ASTN2: variants seen among roughly 807,000 people sequenced by gnomAD.
ASTN2 encodes astrotactin 2.
In ASTN2, 54 loss-of-function variants were observed where a neutral mutation model predicts 139.8. The ratio of observed to expected loss-of-function variants is 0.39; its 90% CI spans 0.31 to 0.48. The LOEUF is 0.48. Ranked by LOEUF, ASTN2 falls within the 20% of genes least tolerant of loss-of-function variation. The pLI is 0.95. For synonymous variants in ASTN2, 756 were observed against 719.5 expected, an observed-to-expected ratio of 1.05 and a Z score of -0.81; for missense variants, 1,565 against 1,725.1, an observed-to-expected ratio of 0.91 and a Z score of 1.64.
chr9:116,792,398 T>G (rs757701511), intron 13 of ASTN2, among the ~76,000 whole-genome samples: 1 of 152,178 alleles, frequency 6.6e-6, no homozygotes, highest in Non-Finnish European at 1.5e-5. Flanking sequence ...CCCAGCACTC[T>G]GCTGGTAAGT....
At chr9:116,623,181 GT>G (rs1856260049) in intron 17 of ASTN2, among the ~76,000 whole-genome samples, 2 of 80,664 alleles carry the variant, frequency 2.5e-5, no homozygotes, top group Non-Finnish European at 6.5e-5. Flanking sequence ...GTGTGTGTGT[GT>G]GTGTGTGTGT....
At chr9:117,370,084 G>A (rs1194679149) in intron 1 of ASTN2, among the ~76,000 whole-genome samples, 1 of 152,118 alleles carries the variant, frequency 6.6e-6, no homozygotes, top group African/African-American at 2.4e-5. Context: ...ACCCCACTTG[G>A]AAGCCCATGA....
intron 17 of ASTN2, among the ~76,000 whole-genome samples, chr9:116,632,182 G>A (rs1588114922): frequency 6.9e-4 from 11 of 15,898 alleles, no homozygotes; most frequent in African/African-American, 2.4e-3. Context: ...GAGAGAGAGA[G>A]AGGGAGAGAG....
intron 2 of ASTN2, among the ~76,000 whole-genome samples, chr9:117,262,106 G>A (rs961693975): frequency 2.0e-5 from 3 of 152,142 alleles, no homozygotes; most frequent in Non-Finnish European, 4.4e-5. Context: ...TCTGAGCCTA[G>A]TAATTTCCAG....
intron 19 of ASTN2, among the ~76,000 whole-genome samples, chr9:116,616,136 A>G (rs912084006): frequency 1.3e-5 from 2 of 152,220 alleles, no homozygotes; most frequent in African/African-American, 2.4e-5. Context: ...CTCTGTATGC[A>G]GATGACATGA....
At chr9:117,353,860 A>T (rs1431237014) in intron 1 of ASTN2, among the ~76,000 whole-genome samples, 1 of 152,216 alleles carries the variant, frequency 6.6e-6, no homozygotes, top group Admixed American at 6.5e-5. Flanking sequence ...GAAAACCATG[A>T]AGACAGCAAA....
intron 1 of ASTN2, among the ~76,000 whole-genome samples, chr9:117,412,578 G>T (rs2130984259): frequency 6.6e-6 from 1 of 152,260 alleles, no homozygotes; most frequent in Admixed American, 6.5e-5. Flanking sequence ...GTTGGAGCAG[G>T]TCCTCCATAT....
intron 10 of ASTN2, among the ~76,000 whole-genome samples, chr9:116,872,754 T>C (rs1588372285): frequency 6.6e-6 from 1 of 151,996 alleles, no homozygotes; most frequent in East Asian, 1.9e-4. Context: ...ATAGAGTGGG[T>C]TAAAGAAATT....
chr9:117,044,516 C>T (rs1838676087), intron 5 of ASTN2, among the ~76,000 whole-genome samples: 1 of 152,176 alleles, frequency 6.6e-6, no homozygotes, highest in African/African-American at 2.4e-5. Flanking sequence ...GTTCCTGGCT[C>T]AGGGAGGTGA....
At chr9:117,232,160 T>A (rs1832912196) in intron 2 of ASTN2, among the ~76,000 whole-genome samples, 1 of 152,176 alleles carries the variant, frequency 6.6e-6, no homozygotes, top group Non-Finnish European at 1.5e-5. Context: ...AGGAGCCTCA[T>A]TTTACTCATC....
chr9:117,176,181 AT>A (rs1564462242), intron 3 of ASTN2, among the ~76,000 whole-genome samples: 1 of 152,196 alleles, frequency 6.6e-6, no homozygotes, highest in African/African-American at 2.4e-5. Context: ...ATCTTACAGA[AT>A]GGCAAAATAT....
chr9:116,567,502 G>A (rs1853294724), intron 19 of ASTN2, among the ~76,000 whole-genome samples: 1 of 152,142 alleles, frequency 6.6e-6, no homozygotes, highest in Admixed American at 6.5e-5. Context: ...GGGTTCAGGG[G>A]GTGGATAGGG....
At chr9:117,198,961 T>C (rs1831606637) in intron 3 of ASTN2, among the ~76,000 whole-genome samples, 1 of 152,214 alleles carries the variant, frequency 6.6e-6, no homozygotes, top group African/African-American at 2.4e-5. Flanking sequence ...TCATATCCTT[T>C]GCCCATTTTT....
At chr9:117,374,423 C>A (rs1174022172) in intron 1 of ASTN2, among the ~76,000 whole-genome samples, 1 of 141,098 alleles carries the variant, frequency 7.1e-6, no homozygotes, top group African/African-American at 2.7e-5. Context: ...AACATGAGAG[C>A]TTTTCAATAG....
chr9:116,473,160 C>T (rs1415599099), intron 20 of ASTN2, among the ~76,000 whole-genome samples: 1 of 152,132 alleles, frequency 6.6e-6, no homozygotes, highest in Non-Finnish European at 1.5e-5. Context: ...GACTGGGAGG[C>T]AGGAACCATG....
intron 12 of ASTN2, among the ~76,000 whole-genome samples, chr9:116,814,346 AGAG>A (rs1831252851): frequency 6.6e-6 from 1 of 152,182 alleles, no homozygotes; most frequent in African/African-American, 2.4e-5. Flanking sequence ...AACGAAGATC[AGAG>A]GAGGTGTTCT....
chr9:116,932,199 T>C (rs535068952), intron 10 of ASTN2, among the ~76,000 whole-genome samples: 3 of 152,142 alleles, frequency 2.0e-5, no homozygotes, highest in Non-Finnish European at 4.4e-5. Context: ...CTCTTATATG[T>C]GAAGCCCGGT....
intron 22 of ASTN2, among the ~76,000 whole-genome samples, chr9:116,435,104 C>T (rs1041791187): frequency 6.6e-6 from 1 of 152,172 alleles, no homozygotes; most frequent in Non-Finnish European, 1.5e-5. Context: ...ATGATACTAA[C>T]AATGTGTCTG....
At chr9:117,064,168 T>C (rs1587921812) in intron 5 of ASTN2, among the ~76,000 whole-genome samples, 1 of 151,772 alleles carries the variant, frequency 6.6e-6, no homozygotes, top group African/African-American at 2.4e-5. Flanking sequence ...AAGCAGAAGA[T>C]CATGTTAAAT....
Sources: gnomAD v4.1 joint callset for allele counts (sites outside exome capture counted in the v4.1 genomes callset) on GRCh38, gnomAD v4.1.1 for gene constraint, MANE v1.5 for transcripts, NCBI Gene and HGNC (gene_info 2026-07-23, HGNC 2026-07-21) for gene names.